The following KIAA1549 variants were observed in gnomAD, a reference collection of about 807,000 sequenced individuals.
The protein encoded by KIAA1549 is KIAA1549.
Under a neutral mutation model 156.4 loss-of-function variants are expected in KIAA1549, and 70 were observed. That is an observed-to-expected ratio of 0.45 (90% CI 0.37 to 0.55). The LOEUF (loss-of-function observed/expected upper bound fraction) is 0.55, where lower values mean the gene tolerates loss of function less well. Ranked by LOEUF, KIAA1549 falls within the 20% of genes least tolerant of loss-of-function variation. The pLI is 0.00. For missense variants in KIAA1549, 2,428 were observed against 2,540.9 expected (o/e 0.96, Z 0.96); for synonymous variants, 1,103 against 1,066.4 (o/e 1.03, Z -0.67).
chr7:138,913,823 A>T (rs1812237281), intron 2 of KIAA1549, among the ~76,000 whole-genome samples: 1 of 152,078 alleles, frequency 6.6e-6, no homozygotes, highest in Non-Finnish European at 1.5e-5. Flanking sequence ...ATAGATCTGA[A>T]AGGGAAAGAT....
intron 1 of KIAA1549, among the ~76,000 whole-genome samples, chr7:138,943,535 G>A (rs1813245879): frequency 6.6e-6 from 1 of 152,156 alleles, no homozygotes; most frequent in Non-Finnish European, 1.5e-5. Context: ...TTGTGGCATG[G>A]CTAAATCAAG....
At chr7:138,844,915 G>A (rs571190393) in intron 17 of KIAA1549, among the ~76,000 whole-genome samples, 14 of 152,038 alleles carry the variant, frequency 9.2e-5, no homozygotes, top group African/African-American at 3.4e-4. Flanking sequence ...TGTCCCCCAG[G>A]CTGGAGTGCA....
At position 138,905,080 on chromosome 7, in the gene KIAA1549, G is replaced by A; in HGVS notation, c.3462C>T (p.Pro1154=). The change falls in exon 7 of 20, where the codon CCC becomes CCT. Residue 1154 remains proline, a splice_region_variant and synonymous_variant. Coordinates refer to ENST00000422774, the MANE Select transcript of KIAA1549 (RefSeq NM_001164665.2). ...ATAAGTTGAGCTGTGGATACTGGAA[G>A]GCTACAAAAGGGAAAGAATTAGGGA... is the stretch of plus-strand genomic sequence containing the variant. ...LGYPVLQIAE[P]FQYPQLNLSQ... 1.3e-6 allele frequency: 2 copies of A among 1,568,230 alleles called. No individual in the cohort carries two copies. The highest frequency in any genetic ancestry group is 8.7e-7 in the Non-Finnish European group (1 of 1,154,154).
intron 13 of KIAA1549, among the ~76,000 whole-genome samples, chr7:138,870,084 GA>G (rs886410072): frequency 1.4e-4 from 21 of 152,020 alleles, no homozygotes; most frequent in Non-Finnish European, 2.5e-4. Flanking sequence ...CTCCTGACCT[GA>G]AATGATACGC....
rs749938588 is a variant in KIAA1549 at position 138,832,191 on chromosome 7, CTTTT to C, written c.*5711_*5714del. The C allele has an allele frequency of 9.3e-4, 133 of 143,426 alleles. No individual in the cohort carries two copies. Among genetic ancestry groups the C allele is most frequent in the East Asian group, 2.0e-3 (19 of 9,458 alleles). 8.9% of individuals were successfully genotyped at this position (143,426 alleles called of 1,614,324 possible). A position where few individuals can be genotyped will look rare whatever the true frequency, so the allele number is the denominator to read the frequency against. ...TCACCTCTGTCCCTTTTACCTATTC[CTTTT>C]TTTTTTTTTTTTTTTTCCAGAGACA... On this transcript the variant is annotated 3_prime_UTR_variant, in exon 20 of 20. Coordinates refer to ENST00000422774, the MANE Select transcript of KIAA1549 (RefSeq NM_001164665.2).
At chr7:138,956,786 A>T (rs1008609810) in intron 1 of KIAA1549, among the ~76,000 whole-genome samples, 1 of 152,212 alleles carries the variant, frequency 6.6e-6, no homozygotes, top group Non-Finnish European at 1.5e-5. Flanking sequence ...TGATCTATTC[A>T]ATCATTCATA....
intron 8 of KIAA1549, among the ~76,000 whole-genome samples, chr7:138,899,767 C>T (rs1811789916): frequency 6.6e-6 from 1 of 152,166 alleles, no homozygotes; most frequent in South Asian, 2.1e-4. Context: ...TCACCCCCAC[C>T]CACCACAGGT....
chr7:138,943,663 CAT>C (rs1813253276), intron 1 of KIAA1549, among the ~76,000 whole-genome samples: 1 of 152,098 alleles, frequency 6.6e-6, no homozygotes, highest in South Asian at 2.1e-4. Context: ...TCCTGGCTAA[CAT>C]GGTGAAACCC....
intron 1 of KIAA1549, among the ~76,000 whole-genome samples, chr7:138,958,877 C>G (rs2718143): frequency 3.3e-5 from 5 of 152,168 alleles, no homozygotes; most frequent in Non-Finnish European, 5.9e-5. Context: ...CACTATAGCC[C>G]AAAGGTTTTT....
chr7:138,901,494 T>G (rs575470748), intron 8 of KIAA1549, among the ~76,000 whole-genome samples: 2 of 152,058 alleles, frequency 1.3e-5, no homozygotes, highest in East Asian at 3.9e-4. Context: ...CCCAGATAAT[T>G]TTTGTGTTTT....
rs1192327002 is a variant in KIAA1549 at position 138,981,281 on chromosome 7, G to C, written c.-12C>G. 1.3e-5 allele frequency: 13 copies of C among 972,014 alleles called. No homozygotes were observed. Among genetic ancestry groups the C allele is most frequent in the Non-Finnish European group, 1.6e-5 (13 of 820,662 alleles). The allele number at this position is 972,014 out of a possible 1,614,324, so 60.2% of individuals were successfully genotyped here. ...CGCGCCCCCGGCATTCCCGGCCGGC[G>C]CCCCGGCCCGGCCTCGCGGCTCAGC... On this transcript the variant is annotated 5_prime_UTR_variant, in exon 1 of 20. Transcript: ENST00000422774. The surrounding 1 kb of genome is among the most constrained non-coding windows in gnomAD (Gnocchi z 4.5).
intron 5 of KIAA1549, 48 bp from the exon 6 acceptor site, chr7:138,907,150 G>T (rs747286747): frequency 1.5e-6 from 2 of 1,371,652 alleles, no homozygotes; most frequent in African/African-American, 1.5e-5. Context: ...ACATTCTGCT[G>T]AAAGCTTAAC....
At chr7:138,940,601 C>T (rs1207198238) in intron 1 of KIAA1549, among the ~76,000 whole-genome samples, 2 of 151,946 alleles carry the variant, frequency 1.3e-5, no homozygotes, top group Admixed American at 1.3e-4. Context: ...GTGACTTCCA[C>T]AATGGTTGAA....
chr7:138,895,633 T>C (rs1811663865), intron 9 of KIAA1549, among the ~76,000 whole-genome samples: 1 of 152,038 alleles, frequency 6.6e-6, no homozygotes, highest in South Asian at 2.1e-4. Flanking sequence ...ATAGTGGTGA[T>C]GGTTACACAG....
chr7:138,978,282 A>G (rs1199160340), intron 1 of KIAA1549, among the ~76,000 whole-genome samples: 1 of 152,162 alleles, frequency 6.6e-6, no homozygotes, highest in Non-Finnish European at 1.5e-5. Context: ...TAATTTCCAA[A>G]TTCCCTACAA....
At position 138,889,305 on chromosome 7, in the gene KIAA1549, T is replaced by A. The variant is rs144813192; in HGVS notation, c.4032+5037A>T. 2.8e-3 allele frequency among the ~76,000 whole-genome samples: 429 copies of A among 152,276 alleles called. 1 individual carries two copies. Among genetic ancestry groups the A allele is most frequent in the African/African-American group, 9.9e-3 (411 of 41,552 alleles). Reference sequence around the variant, plus strand: ...TAGCCCAAGCCTAGGCACCTAAATGTCTTCCCTCACGTACACTCAGGGCCC... The same window carrying A: ...TAGCCCAAGCCTAGGCACCTAAATGACTTCCCTCACGTACACTCAGGGCCC... On this transcript the variant is annotated intron_variant, in intron 10 of 19. Transcript: ENST00000422774.
In KIAA1549 at chr7:138,881,479, G is replaced by A. The variant is rs900345543; in HGVS notation, c.4138C>T (p.Pro1380Ser). Residue 1380 changes from proline to serine, a missense_variant, in exon 11 of 20, where the codon CCT becomes TCT. Physicochemically the swap from Pro to Ser is moderately conservative, Grantham distance 74. This residue lies in a region of KIAA1549 where 762 missense variants were observed against 901.6 expected (regional missense o/e 0.85). Transcript: ENST00000422774. ...GAGGGCGTGGTGTGGTCCTTCAGAGGTCCTGGCAGTGGCGCTGGCTCATGA... is the reference window on the plus strand; with the variant it reads ...GAGGGCGTGGTGTGGTCCTTCAGAGATCCTGGCAGTGGCGCTGGCTCATGA... The part of the protein sequence containing the change: ...IIHEPAPLPG[P>S]LKDHTTPSEN... The A allele has an allele frequency of 6.2e-7, 1 of 1,613,898 alleles. No homozygotes were observed. Among genetic ancestry groups the A allele is most frequent in the African/African-American group, 1.3e-5 (1 of 74,938 alleles).
chr7:138,977,726 G>T (rs964076120), intron 1 of KIAA1549, among the ~76,000 whole-genome samples: 2 of 151,138 alleles, frequency 1.3e-5, no homozygotes, highest in African/African-American at 2.4e-5. Flanking sequence ...TTGAGACGGA[G>T]TCTTGCTCTG....
chr7:138,859,171 C>T (rs1407635143), intron 16 of KIAA1549, among the ~76,000 whole-genome samples: 1 of 152,156 alleles, frequency 6.6e-6, no homozygotes, highest in Non-Finnish European at 1.5e-5. Context: ...CAGACAGTTG[C>T]CTGCTCTCTG....
Sources: gnomAD v4.1 joint callset for allele counts (sites outside exome capture counted in the v4.1 genomes callset) on GRCh38, gnomAD v4.1.1 for gene constraint, gnomAD v4.1.1 regional missense constraint, Gnocchi (gnomAD v3.1) non-coding constraint, MANE v1.5 for transcripts, NCBI Gene and HGNC (gene_info 2026-07-23, HGNC 2026-07-21) for gene names.